Variants in PPFIA3 observed in about 807,000 individuals in gnomAD.
The protein encoded by PPFIA3 is PPFI scaffold protein A3, also known as liprin-alpha-3.
Under a neutral mutation model 145.8 loss-of-function variants are expected in PPFIA3, and 26 were observed. The observed-to-expected ratio is 0.18, with a 90% confidence interval of 0.13 to 0.25. The LOEUF is 0.25. Among genes scored for constraint, PPFIA3 ranks in the 10% least tolerant of loss-of-function variants. The pLI is 1.00. For missense variants in PPFIA3, 1,008 were observed against 1,587.8 expected, an observed-to-expected ratio of 0.63 and a Z score of 6.21; for synonymous variants, 645 against 661.4, an observed-to-expected ratio of 0.98 and a Z score of 0.38.
intron 13 of PPFIA3, 88 bp downstream of exon 13, chr19:49,135,003 C>A: frequency 8.8e-7 from 1 of 1,137,900 alleles, no homozygotes; most frequent in Non-Finnish European, 1.2e-6. Context: ...ACTTCCTGTC[C>A]TCCTGAGACT....
chr19:49,146,605 T>C (rs998215033), intron 23 of PPFIA3, among the ~76,000 whole-genome samples: 10 of 151,900 alleles, frequency 6.6e-5, no homozygotes, highest in Admixed American at 6.6e-4. Flanking sequence ...GAATGAGAAG[T>C]TGGGGAGGAG....
intron 4 of PPFIA3, among the ~76,000 whole-genome samples, 177 bp from the exon 5 acceptor site, chr19:49,129,202 TG>T (rs2041039426): frequency 6.6e-6 from 1 of 152,104 alleles, no homozygotes; most frequent in South Asian, 2.1e-4. Flanking sequence ...TAAACCAGGA[TG>T]GGGGCTAACA....
Position 49,141,401 on chromosome 19 carries a change from G to A in PPFIA3, c.2369-19G>A, listed in dbSNP as rs763679819. On this transcript the variant is annotated intron_variant, in intron 18 of 29. Transcript: ENST00000334186. The stretch of plus-strand genomic sequence containing the variant: ...TCCCCCTTGAGATTTTCCAAATTTC[G>A]ACCCCTCCCTGCCTCCAGCTGGAAC... 2.1e-5 allele frequency: 33 copies of A among 1,605,926 alleles called. 2 individuals carry two copies. The East Asian group carries it at 4.9e-4, about 24-fold the overall frequency.
In PPFIA3 at chr19:49,149,075, G is replaced by C. The variant is rs1022221926; in HGVS notation, c.3192G>C (p.Glu1064Asp). 8 of 1,614,076 alleles carry C rather than the reference G, an allele frequency of 5.0e-6. No homozygotes were observed. The highest frequency in any genetic ancestry group is 6.8e-6 in the Non-Finnish European group (8 of 1,180,046). ...GLKEFATNLTESGVHGALLAL... is the reference protein window; with the variant it reads ...GLKEFATNLTDSGVHGALLAL... The stretch of plus-strand genomic sequence containing the variant: ...AGGAATTTGCCACGAACCTCACGGA[G>C]AGCGGGGTACACGGGGCACTGCTCG... The change falls in exon 26 of 30, where the codon GAG (glutamate) becomes GAC (aspartate). Residue 1064 changes from glutamate (E) to aspartate (D), a missense_variant. Glu to Asp is a conservative substitution (Grantham distance 45). Transcript: ENST00000334186. This position sits in a 1 kb window ranked among gnomAD's most constrained non-coding sequence, Gnocchi z 5.7.
At chr19:49,121,161 C>T (rs192605674) in intron 1 of PPFIA3, among the ~76,000 whole-genome samples, 10 of 152,284 alleles carry the variant, frequency 6.6e-5, no homozygotes, top group African/African-American at 2.4e-4. Flanking sequence ...CTCCATTGCC[C>T]CCTGAGGCTC....
At chr19:49,127,687 C>T (rs892087694) in intron 1 of PPFIA3, among the ~76,000 whole-genome samples, 172 bp from the exon 2 acceptor site, 9 of 152,150 alleles carry the variant, frequency 5.9e-5, no homozygotes, top group African/African-American at 1.9e-4. Context: ...GACAGGGTGG[C>T]GGTGCCTGTT....
In PPFIA3 at chr19:49,139,795, C is replaced by G. The variant is rs916721389; in HGVS notation, c.2204C>G (p.Ala735Gly). ...ERMTQALALQ[A>G]GSLEDGGPPR... ...ATGACCCAGGCCTTGGCACTGCAGG[C>G]GGGGTCCCTGGAAGATGGGGGACCC... Residue 735 changes from alanine (A) to glycine (G), a missense_variant, in exon 17 of 30, where the codon GCG becomes GGG. Around this residue, in one of 11 missense-constraint regions of PPFIA3, gnomAD observed 202 missense variants for 241.8 expected, o/e 0.84. Coordinates refer to ENST00000334186, the MANE Select transcript of PPFIA3 (RefSeq NM_003660.4). 6.2e-7 allele frequency: 1 copy of G among 1,612,260 alleles called. No individual in the cohort carries two copies. Among genetic ancestry groups the G allele is most frequent in the African/African-American group, 1.3e-5 (1 of 74,900 alleles).
chr19:49,148,566 C>A, intron 24 of PPFIA3, 100 bp from the exon 25 acceptor site: 1 of 979,142 alleles, frequency 1.0e-6, no homozygotes, highest in Non-Finnish European at 1.6e-6. Flanking sequence ...AGCTCCCCAC[C>A]CTTTCCAAGA....
rs2041103556 is a variant in PPFIA3 at position 49,133,722 on chromosome 19, C to T, written c.1162-74C>T. ...GTGGGGGCGGAGCCTGGCGCTCAGC[C>T]TTGGAGGAGGTGGGGCTGGGAGCCT... On this transcript the variant is annotated intron_variant, in intron 9 of 29. Coordinates refer to ENST00000334186, the MANE Select transcript of PPFIA3 (RefSeq NM_003660.4). This position sits in a 1 kb window ranked among gnomAD's most constrained non-coding sequence, Gnocchi z 7.2. 6.7e-7 allele frequency: 1 copy of T among 1,488,156 alleles called. No individual in the cohort carries two copies. Among genetic ancestry groups the T allele is most frequent in the African/African-American group, 1.4e-5 (1 of 72,510 alleles). The allele number at this position is 1,488,156 out of a possible 1,614,324, so 92.2% of individuals were successfully genotyped here. A position where few individuals can be genotyped will look rare whatever the true frequency, so the allele number is the denominator to read the frequency against.
intron 24 of PPFIA3, 94 bp downstream of exon 24, chr19:49,148,352 C>G (rs1292399063): frequency 1.5e-6 from 2 of 1,355,482 alleles, no homozygotes; most frequent in African/African-American, 1.5e-5. Flanking sequence ...GATTCCCAGG[C>G]TTATCTTGGC....
chr19:49,144,843 G>C (rs1600349989), intron 21 of PPFIA3, among the ~76,000 whole-genome samples: 1 of 152,006 alleles, frequency 6.6e-6, no homozygotes, highest in Non-Finnish European at 1.5e-5. Context: ...TACTTTAGTG[G>C]GTCTTTTTCT....
At chr19:49,119,759 C>G (rs1416901948) in intron 1 of PPFIA3, 37 bp downstream of exon 1, 1 of 152,418 alleles carries the variant, frequency 6.6e-6, no homozygotes, top group African/African-American at 2.4e-5. Context: ...CAGCGCCCAC[C>G]CTGGGGACCC....
At position 49,138,389 on chromosome 19, in the gene PPFIA3, G is replaced by A; in HGVS notation, c.2038G>A (p.Ala680Thr). 1 of 1,587,446 alleles carries A rather than the reference G, an allele frequency of 6.3e-7. No individual in the cohort carries two copies. The highest frequency in any genetic ancestry group is 8.6e-7 in the Non-Finnish European group (1 of 1,166,044). ...PSSGHSTPRL[A>T]PPSPAREGTD... ...CTCTGGCCACTCAACACCCCGCCTGGCACCCCCTAGCCCTGCCCGTGAGGG... is the reference window on the plus strand; with the variant it reads ...CTCTGGCCACTCAACACCCCGCCTGACACCCCCTAGCCCTGCCCGTGAGGG... Residue 680 changes from alanine to threonine, a missense_variant, in exon 16 of 30, where the codon GCA becomes ACA. Transcript: ENST00000334186.
At position 49,128,391 on chromosome 19, in the gene PPFIA3, C is replaced by G. The variant is rs2041029568; in HGVS notation, c.265C>G (p.Leu89Val). 6.2e-7 allele frequency: 1 copy of G among 1,613,668 alleles called. No homozygotes were observed. Among genetic ancestry groups the G allele is most frequent in the East Asian group, 2.2e-5 (1 of 44,830 alleles). ...GGAGTTTGCAGCTCTGACGAAGGAG[C>G]TGAACTTATGTCGGGAGCAGCTGCT... ...PQEFAALTKE[L>V]NLCREQLLER... Residue 89 changes from leucine to valine, a missense_variant, in exon 3 of 30, where the codon CTG (leucine) becomes GTG (valine). Transcript: ENST00000334186. This position sits in a 1 kb window ranked among gnomAD's most constrained non-coding sequence, Gnocchi z 4.1.
intron 19 of PPFIA3, among the ~76,000 whole-genome samples, 168 bp downstream of exon 19, chr19:49,141,681 G>A (rs967486092): frequency 6.6e-6 from 1 of 151,826 alleles, no homozygotes; most frequent in South Asian, 2.1e-4. Flanking sequence ...ATTCAATGCT[G>A]GGAGGAGGTG....
intron 1 of PPFIA3, among the ~76,000 whole-genome samples, chr19:49,124,174 A>T (rs966977576): frequency 9.2e-5 from 14 of 151,916 alleles, no homozygotes; most frequent in South Asian, 4.1e-4. Flanking sequence ...TTAAATTTTT[A>T]AAAAATCTAT....
rs1375271173 is a variant in PPFIA3, at chr19:49,134,828, G to A, written c.1441-8G>A. ...TTCTAACCCGACACCTCCAACACCG[G>A]CCCCCAGGAGCAGCTCTTGGCCGAA... On this transcript the variant is annotated splice_polypyrimidine_tract_variant and splice_region_variant and intron_variant, in intron 12 of 29. Transcript: ENST00000334186. 3 of 1,598,274 alleles carry A rather than the reference G, an allele frequency of 1.9e-6. No individual in the cohort carries two copies. The highest frequency in any genetic ancestry group is 2.6e-6 in the Non-Finnish European group (3 of 1,169,914).
chr19:49,135,033 T>C, intron 13 of PPFIA3, 118 bp downstream of exon 13: 2 of 694,704 alleles, frequency 2.9e-6, no homozygotes, highest in Non-Finnish European at 2.1e-6. Flanking sequence ...TCTGTTTTTG[T>C]TTTTTGTTTG....
intron 20 of PPFIA3, 75 bp from the exon 21 acceptor site, chr19:49,142,729 C>G (rs1236770431): frequency 6.6e-6 from 9 of 1,363,522 alleles, no homozygotes; most frequent in Non-Finnish European, 9.3e-6. Context: ...TCCCCACCTC[C>G]CTGTTCCCCC....
Sources: allele counts gnomAD v4.1 joint callset (sites outside exome capture counted in the v4.1 genomes callset), GRCh38; gene constraint gnomAD v4.1.1; regional missense constraint gnomAD v4.1.1; non-coding constraint Gnocchi (gnomAD v3.1); transcripts MANE v1.5; gene names NCBI Gene and HGNC (gene_info 2026-07-23, HGNC 2026-07-21).